GLCE: variants seen among roughly 807,000 people sequenced by gnomAD.
The protein encoded by GLCE is glucuronic acid epimerase, also known as D-glucuronyl C5-epimerase.
A neutral mutation model predicts 47.9 loss-of-function variants in GLCE; 19 were observed. The ratio of observed to expected loss-of-function variants is 0.40; its 90% CI spans 0.28 to 0.58. GLCE has a LOEUF of 0.58. Ranked by LOEUF, GLCE falls within the 20% of genes least tolerant of loss-of-function variation. The pLI, the probability that GLCE is intolerant of heterozygous loss-of-function variation, is 0.48. For synonymous variants in GLCE, 245 were observed against 263.4 expected, an observed-to-expected ratio of 0.93 and a Z score of 0.68; for missense variants, 556 against 743.3, an observed-to-expected ratio of 0.75 and a Z score of 2.93.
chr15:69,240,093 G>A (rs2052645478), intron 2 of GLCE, among the ~76,000 whole-genome samples: 2 of 152,120 alleles, frequency 1.3e-5, no homozygotes, highest in South Asian at 2.1e-4. Context: ...GCTTTATAAT[G>A]GATTAGGCTG....
intron 2 of GLCE, among the ~76,000 whole-genome samples, chr15:69,212,504 T>C (rs1394076930): frequency 6.6e-6 from 1 of 152,014 alleles, no homozygotes; most frequent in African/African-American, 2.4e-5. Context: ...ATCATTGAAA[T>C]TAAATATGTG....
intron 1 of GLCE, among the ~76,000 whole-genome samples, chr15:69,182,314 A>G (rs2051761704): frequency 6.6e-6 from 1 of 151,300 alleles, no homozygotes; most frequent in African/African-American, 2.4e-5. Flanking sequence ...AGAGAGAGAG[A>G]GAGTGCATGT....
At chr15:69,196,127 G>A (rs756410024) in intron 1 of GLCE, among the ~76,000 whole-genome samples, 11 of 152,098 alleles carry the variant, frequency 7.2e-5, no homozygotes, top group Non-Finnish European at 1.0e-4. Flanking sequence ...ATATCTCAGG[G>A]AAGAACATTC....
chr15:69,260,191 G>GAAAGATATGAAAGATAT (rs2052991600), intron 3 of GLCE, among the ~76,000 whole-genome samples: 1 of 149,874 alleles, frequency 6.7e-6, no homozygotes. Context: ...CATTTTAACA[G>GAAAGATATGAAAGATAT]GAAAGATATG....
Position 69,268,298 on chromosome 15 carries a change from A to T in GLCE, c.908A>T (p.Asn303Ile), listed in dbSNP as rs1185114123. The T allele has an allele frequency of 3.1e-6, 5 of 1,612,738 alleles. No homozygotes were observed. The highest frequency in any genetic ancestry group is 4.2e-6 in the Non-Finnish European group (5 of 1,179,040). Reference sequence around the variant, plus strand: ...TCATTTGACCTCAAGTTCTTGACAAATGGAAGTGTGTCCGTGGTTCTAGAG... The same window carrying T: ...TCATTTGACCTCAAGTTCTTGACAATTGGAAGTGTGTCCGTGGTTCTAGAG... ...IISFDLKFLTNGSVSVVLETT... is the reference protein window; with the variant it reads ...IISFDLKFLTIGSVSVVLETT... The change falls in exon 5 of 5, where the codon AAT becomes ATT. Residue 303 changes from asparagine (N) to isoleucine (I), a missense_variant. By Grantham distance (149) the Asn-to-Ile change is moderately radical. Coordinates refer to ENST00000261858, the MANE Select transcript of GLCE (RefSeq NM_015554.3).
intron 2 of GLCE, among the ~76,000 whole-genome samples, chr15:69,235,644 G>C (rs1439896669): frequency 6.6e-6 from 1 of 152,044 alleles, no homozygotes. Flanking sequence ...TTCAAATTTA[G>C]GCCTATCAGA....
intron 1 of GLCE, among the ~76,000 whole-genome samples, chr15:69,192,332 TA>T: frequency 6.6e-6 from 1 of 152,050 alleles, no homozygotes; most frequent in South Asian, 2.1e-4. Context: ...TTGTAGTGGC[TA>T]ATCTGCTACA....
chr15:69,261,383 G>C (rs1413373519), intron 4 of GLCE, 54 bp downstream of exon 4: 2 of 1,534,510 alleles, frequency 1.3e-6, no homozygotes, highest in Non-Finnish European at 1.8e-6. Flanking sequence ...ATGGGACCCT[G>C]ATAGTCCCTT....
intron 2 of GLCE, among the ~76,000 whole-genome samples, chr15:69,220,347 A>T (rs1227621247): frequency 4.6e-5 from 7 of 151,848 alleles, no homozygotes; most frequent in Non-Finnish European, 7.4e-5. Context: ...TTTTAAATTT[A>T]TTTTTCTTTC....
intron 3 of GLCE, among the ~76,000 whole-genome samples, chr15:69,256,707 G>T (rs1566971100): frequency 6.6e-6 from 1 of 152,192 alleles, no homozygotes; most frequent in Non-Finnish European, 1.5e-5. Context: ...CTAGAATCCT[G>T]TGAGAGATGG....
intron 2 of GLCE, among the ~76,000 whole-genome samples, chr15:69,236,108 C>T (rs951707232): frequency 1.3e-5 from 2 of 152,204 alleles, no homozygotes; most frequent in Non-Finnish European, 2.9e-5. Context: ...GGCAGGTTAT[C>T]AGTATCAGTG....
At chr15:69,166,674 C>G (rs888634483) in intron 1 of GLCE, among the ~76,000 whole-genome samples, 3 of 152,140 alleles carry the variant, frequency 2.0e-5, no homozygotes, top group Non-Finnish European at 4.4e-5. Flanking sequence ...AATCCCAGCA[C>G]TTTGGGAGGC....
chr15:69,258,038 T>C (rs1273443866), intron 3 of GLCE, among the ~76,000 whole-genome samples: 3 of 152,254 alleles, frequency 2.0e-5, no homozygotes, highest in Non-Finnish European at 2.9e-5. Context: ...ATGTGCAGTT[T>C]TGTTATATAG....
At chr15:69,166,440 C>T (rs1186083568) in intron 1 of GLCE, among the ~76,000 whole-genome samples, 3 of 152,130 alleles carry the variant, frequency 2.0e-5, no homozygotes, top group Non-Finnish European at 4.4e-5. Flanking sequence ...TTCAGTTCTT[C>T]CAAAAAAGCT....
intron 3 of GLCE, among the ~76,000 whole-genome samples, chr15:69,260,011 A>G (rs139702549): frequency 2.0e-5 from 3 of 152,330 alleles, no homozygotes; most frequent in Admixed American, 2.0e-4. Context: ...ATGTAAATGT[A>G]GGATTTGTAG....
At position 69,255,774 on chromosome 15, in the gene GLCE, T is replaced by C; in HGVS notation, c.-13-20T>C. 1 of 1,430,152 alleles carries C rather than the reference T, an allele frequency of 7.0e-7. No individual in the cohort carries two copies. Among genetic ancestry groups the C allele is most frequent in the South Asian group, 1.2e-5 (1 of 82,014 alleles). The allele number at this position is 1,430,152 out of a possible 1,614,324, so 88.6% of individuals were successfully genotyped here. A position where few individuals can be genotyped will look rare whatever the true frequency, so the allele number is the denominator to read the frequency against. ...CGGTAGTACATCTTTGCATGATTTT[T>C]TTTCTTCTTGCCTCCATAGGTATGG... On this transcript the variant is annotated intron_variant, in intron 2 of 4. Coordinates refer to ENST00000261858, the MANE Select transcript of GLCE (RefSeq NM_015554.3).
At chr15:69,176,522 CT>C (rs1202870159) in intron 1 of GLCE, among the ~76,000 whole-genome samples, 3 of 152,200 alleles carry the variant, frequency 2.0e-5, no homozygotes, top group Admixed American at 6.5e-5. Flanking sequence ...GCCACCACCC[CT>C]GGCCCATTTT....
intron 1 of GLCE, among the ~76,000 whole-genome samples, chr15:69,177,924 G>T (rs1112646): frequency 0.12 from 18,524 of 152,120 alleles, 1,190 homozygotes; most frequent in East Asian, 0.16. Flanking sequence ...CTTCTCTGTT[G>T]TTGCATGTAT....
Position 69,214,131 on chromosome 15 carries a change from A to G in GLCE, c.-14+3725A>G, listed in dbSNP as rs187768558. The stretch of plus-strand genomic sequence containing the variant: ...TACCTCTCCAAGGAACCCAGGTCCA[A>G]CTTATTGGAGAATAGTATTTAGAAA... On this transcript the variant is annotated intron_variant, in intron 2 of 4. Coordinates refer to ENST00000261858, the MANE Select transcript of GLCE (RefSeq NM_015554.3). 3.3e-5 allele frequency among the ~76,000 whole-genome samples: 5 copies of G among 152,162 alleles called. No individual in the cohort carries two copies. In the East Asian group the frequency reaches 5.8e-4, roughly 18 times the overall value.
Sources: gnomAD v4.1 joint callset for allele counts (sites outside exome capture counted in the v4.1 genomes callset) on GRCh38, gnomAD v4.1.1 for gene constraint, MANE v1.5 for transcripts, NCBI Gene and HGNC (gene_info 2026-07-23, HGNC 2026-07-21) for gene names.